The following CPVL variants were observed in gnomAD, a reference collection of about 807,000 sequenced individuals.
CPVL encodes probable serine carboxypeptidase CPVL.
In CPVL, 51 loss-of-function variants were observed where a neutral mutation model predicts 63.7. That is an observed-to-expected ratio of 0.80 (90% CI 0.64 to 1.01). The LOEUF (loss-of-function observed/expected upper bound fraction) is 1.01, where lower values mean the gene tolerates loss of function less well. Among genes scored for constraint, CPVL ranks in the 50% least tolerant of loss-of-function variants. CPVL has a pLI of 0.00. For synonymous variants in CPVL, 195 were observed against 206.0 expected (o/e 0.95, Z 0.46); for missense variants, 530 against 573.1 (o/e 0.92, Z 0.77).
chr7:29,121,515 GAAC>G (rs956658270), intron 1 of CPVL, among the ~76,000 whole-genome samples: 28 of 152,270 alleles, frequency 1.8e-4, no homozygotes, highest in Admixed American at 9.1e-4. Context: ...TAAAGACTCA[GAAC>G]AACAAGAACT....
upstream of CPVL, among the ~76,000 whole-genome samples, chr7:29,150,758 G>A (rs1203035333): frequency 6.6e-6 from 1 of 152,210 alleles, no homozygotes; most frequent in Non-Finnish European, 1.5e-5. Context: ...TATAGCCATT[G>A]TTCCTTTTCA....
At chr7:29,146,546 T>C, upstream of CPVL, 1 of 1,525,582 alleles carries the variant, frequency 6.6e-7, no homozygotes, top group Non-Finnish European at 8.8e-7. Context: ...ACGAGGACCC[T>C]GCAGAACTCG....
intron 5 of CPVL, among the ~76,000 whole-genome samples, chr7:29,168,270 T>A (rs929965855): frequency 6.6e-6 from 1 of 152,260 alleles, no homozygotes; most frequent in African/African-American, 2.4e-5. Context: ...TTTCTCTTAT[T>A]GATTTCTAGA....
chr7:29,176,135 A>G (rs1022552656), intron 5 of CPVL, among the ~76,000 whole-genome samples: 3 of 152,040 alleles, frequency 2.0e-5, no homozygotes, highest in African/African-American at 4.8e-5. Flanking sequence ...ACAGTGAGCC[A>G]AGATCGCGCC....
chr7:29,047,986 A>G (rs1249054327), intron 11 of CPVL, among the ~76,000 whole-genome samples: 1 of 152,210 alleles, frequency 6.6e-6, no homozygotes, highest in Admixed American at 6.5e-5. Flanking sequence ...TCAGACAAAC[A>G]GATGCTGAGA....
intron 5 of CPVL, among the ~76,000 whole-genome samples, chr7:29,164,131 A>T (rs1398217225): frequency 6.6e-6 from 1 of 152,196 alleles, no homozygotes; most frequent in African/African-American, 2.4e-5. Flanking sequence ...GCAGTGCATG[A>T]GAGTTTTAGT....
At chr7:29,126,825 G>A (rs983131949) in intron 1 of CPVL, 2 of 152,190 alleles carry the variant, frequency 1.3e-5, no homozygotes, top group Non-Finnish European at 2.9e-5. Context: ...GATCCCTTGA[G>A]CCCAGGAGTT....
At chr7:29,063,597 T>C (rs1782839967) in intron 11 of CPVL, among the ~76,000 whole-genome samples, 1 of 151,926 alleles carries the variant, frequency 6.6e-6, no homozygotes, top group Non-Finnish European at 1.5e-5. Context: ...TGAGACAGAG[T>C]TTTTGCTCTG....
chr7:29,193,851 A>T (rs190186788), intron 1 of CPVL: 1 of 152,208 alleles, frequency 6.6e-6, no homozygotes, highest in Admixed American at 6.5e-5. Flanking sequence ...GCCTGATGAC[A>T]CGTTTGGACG....
chr7:29,007,960 AAGAGT>A (rs1785370719), intron 12 of CPVL, among the ~76,000 whole-genome samples: 1 of 152,196 alleles, frequency 6.6e-6, no homozygotes, highest in Non-Finnish European at 1.5e-5. Context: ...AAGGCAATTA[AAGAGT>A]TGAAGTGTGA....
intron 5 of CPVL, among the ~76,000 whole-genome samples, chr7:29,157,900 C>T (rs1229487858): frequency 6.6e-6 from 1 of 152,300 alleles, no homozygotes; most frequent in Non-Finnish European, 1.5e-5. Context: ...AATGCTCCGG[C>T]AGTCCTTTCA....
intron 11 of CPVL, among the ~76,000 whole-genome samples, chr7:29,059,293 T>C (rs1791042258): frequency 6.6e-6 from 1 of 152,176 alleles, no homozygotes; most frequent in South Asian, 2.1e-4. Context: ...TATCCATCTG[T>C]TCTTGCAGGT....
chr7:29,170,293 A>G (rs1371279432), intron 5 of CPVL, among the ~76,000 whole-genome samples: 1 of 152,296 alleles, frequency 6.6e-6, no homozygotes, highest in Admixed American at 6.5e-5. Flanking sequence ...CTTAATTACT[A>G]GAGCAACTCT....
intron 1 of CPVL, among the ~76,000 whole-genome samples, chr7:29,138,493 G>A (rs565743301): frequency 1.3e-5 from 2 of 152,072 alleles, no homozygotes; most frequent in African/African-American, 2.4e-5. Flanking sequence ...AGAAACTTGT[G>A]ATTATATATT....
chr7:29,057,935 T>C (rs73302107), intron 11 of CPVL, among the ~76,000 whole-genome samples: 219 of 152,360 alleles, frequency 1.4e-3, no homozygotes, highest in African/African-American at 5.0e-3. Flanking sequence ...AGCTTTATGG[T>C]AAGTCTTGAA....
chr7:29,147,001 C>G (rs1042309174), upstream of CPVL: 34 of 1,550,250 alleles, frequency 2.2e-5, no homozygotes, highest in African/African-American at 4.1e-4. Flanking sequence ...CAAGCACTCT[C>G]CTGAATCACT....
At chr7:29,155,092 C>T (rs2128699062) in intron 5 of CPVL, among the ~76,000 whole-genome samples, 1 of 152,164 alleles carries the variant, frequency 6.6e-6, no homozygotes, top group East Asian at 1.9e-4. Context: ...ACAGGACCTG[C>T]CCCCATGATT....
chr7:29,171,652 G>A (rs182277901), intron 5 of CPVL, among the ~76,000 whole-genome samples: 16 of 152,220 alleles, frequency 1.1e-4, no homozygotes, highest in African/African-American at 2.9e-4. Flanking sequence ...ATACTTGTCC[G>A]GAGATGAACA....
intron 1 of CPVL, among the ~76,000 whole-genome samples, chr7:29,136,260 A>G (rs1791215132): frequency 6.6e-6 from 1 of 152,246 alleles, no homozygotes; most frequent in East Asian, 1.9e-4. Flanking sequence ...AGAAGTTATA[A>G]GAGTGATAGA....
Sources: gnomAD v4.1 joint callset for allele counts (sites outside exome capture counted in the v4.1 genomes callset) on GRCh38, gnomAD v4.1.1 for gene constraint, MANE v1.5 for transcripts, NCBI Gene and HGNC (gene_info 2026-07-23, HGNC 2026-07-21) for gene names.